The following FMN1 variants were observed in gnomAD, a reference collection of about 807,000 sequenced individuals.
FMN1 encodes the protein formin 1, also known as formin-1.
FMN1 carries 110 observed loss-of-function variants against 132.4 expected under a neutral mutation model. The ratio of observed to expected loss-of-function variants is 0.83; its 90% CI spans 0.71 to 0.97. The LOEUF (loss-of-function observed/expected upper bound fraction) is 0.97, where lower values mean the gene tolerates loss of function less well. Ranked by LOEUF, FMN1 falls within the 50% of genes least tolerant of loss-of-function variation. FMN1 has a pLI of 0.00. For missense variants in FMN1, 1,792 were observed against 1,705.3 expected, an observed-to-expected ratio of 1.05 and a Z score of -0.90; for synonymous variants, 722 against 651.7, an observed-to-expected ratio of 1.11 and a Z score of -1.64.
intron 16 of FMN1, among the ~76,000 whole-genome samples, chr15:32,864,452 A>G (rs2059347020): frequency 6.6e-6 from 1 of 152,248 alleles, no homozygotes; most frequent in Admixed American, 6.5e-5. Flanking sequence ...ACAACTGTGC[A>G]TTAATGACCC....
rs536409431 is a variant in FMN1, at chr15:33,086,285, C to T, written c.2043+2514G>A. ...AAAAAAAAAAAAAGCAAAAACAAGA[C>T]GAGGTTATAAAATCTGGCATGCTTT... On this transcript the variant is annotated intron_variant, in intron 5 of 20. Coordinates refer to ENST00000616417, the MANE Select transcript of FMN1 (RefSeq NM_001277313.2). Among the ~76,000 whole-genome samples, 96 of 140,942 alleles carry T rather than the reference C, an allele frequency of 6.8e-4. 1 individual carries two copies. The highest frequency in any genetic ancestry group is 7.4e-3 in the Middle Eastern group (2 of 270). The allele number at this position is 140,942 out of a possible 152,430, so 92.5% of individuals were successfully genotyped here. A position where few individuals can be genotyped will look rare whatever the true frequency, so the allele number is the denominator to read the frequency against.
intron 5 of FMN1, chr15:33,067,693 G>T: frequency 6.2e-7 from 1 of 1,613,872 alleles, no homozygotes; most frequent in East Asian, 2.2e-5. Context: ...TGGGATTCAC[G>T]TCTAAACTAT....
Position 33,034,675 on chromosome 15 carries a change from A to AT in FMN1, c.2162-26601dup, listed in dbSNP as rs34570711. Among the ~76,000 whole-genome samples the AT allele has an allele frequency of 5.3e-5, 8 of 151,800 alleles. No individual in the cohort carries two copies. In the East Asian group the frequency reaches 5.8e-4, roughly 11 times the overall value. On this transcript the variant is annotated intron_variant, in intron 6 of 20. Coordinates refer to ENST00000616417, the MANE Select transcript of FMN1 (RefSeq NM_001277313.2). ...TTCTGCCTCAAAAATCCAGAATCTG[A>AT]TTTTTTTTTTACTACCTCCATCACT...
At chr15:33,106,601 G>C (rs1261603092) in intron 4 of FMN1, among the ~76,000 whole-genome samples, 1 of 151,992 alleles carries the variant, frequency 6.6e-6, no homozygotes, top group African/African-American at 2.4e-5. Flanking sequence ...TGAGTTCACT[G>C]TTCACTCTTC....
chr15:33,084,073 A>G (rs966594681), intron 5 of FMN1, among the ~76,000 whole-genome samples: 1 of 152,184 alleles, frequency 6.6e-6, no homozygotes, highest in African/African-American at 2.4e-5. Flanking sequence ...AAACTCATGA[A>G]TAATTCACCC....
rs11855526 is a variant in FMN1, at chr15:32,926,360, T to C, written c.3139-99A>G. Reference sequence around the variant, plus strand: ...CATTAAATTTTTTTAGATACACTGATTGATGAACTAAATTGATGCTGCATG... The same window carrying C: ...CATTAAATTTTTTTAGATACACTGACTGATGAACTAAATTGATGCTGCATG... On this transcript the variant is annotated intron_variant, in intron 9 of 20. Transcript: ENST00000616417. 34,603 of 634,078 alleles carry C rather than the reference T, an allele frequency of 0.055. 1,135 individuals are homozygous for C. The highest frequency in any genetic ancestry group is 0.12 in the East Asian group (4,376 of 35,314). The allele number at this position is 634,078 out of a possible 1,614,324, so 39.3% of individuals were successfully genotyped here.
intron 8 of FMN1, among the ~76,000 whole-genome samples, chr15:32,966,498 A>G (rs78922678): frequency 0.014 from 2,074 of 152,098 alleles, 40 homozygotes; most frequent in African/African-American, 0.048. Context: ...GAGAGAGAGA[A>G]AGAGGAGGAG....
chr15:33,062,346 G>A (rs1456342758), intron 6 of FMN1, among the ~76,000 whole-genome samples: 2 of 152,122 alleles, frequency 1.3e-5, no homozygotes, highest in Non-Finnish European at 2.9e-5. Flanking sequence ...AGTAGGCCAG[G>A]CACGGTGGCT....
At chr15:32,993,812 A>G (rs1288057727) in intron 7 of FMN1, among the ~76,000 whole-genome samples, 4 of 148,798 alleles carry the variant, frequency 2.7e-5, no homozygotes, top group Non-Finnish European at 4.4e-5. Context: ...TAGAGCCACT[A>G]CAATCTCTGA....
intron 4 of FMN1, among the ~76,000 whole-genome samples, chr15:33,097,989 C>T (rs345791): frequency 0.55 from 83,699 of 151,910 alleles, 23,418 homozygotes; most frequent in African/African-American, 0.57. Flanking sequence ...CAAAATAGAC[C>T]GCACACTGGG....
chr15:32,820,669 T>C (rs2058186766), intron 17 of FMN1, among the ~76,000 whole-genome samples: 1 of 152,214 alleles, frequency 6.6e-6, no homozygotes, highest in African/African-American at 2.4e-5. Context: ...CAGGTAGACA[T>C]AGTTTTAATT....
chr15:33,086,096 A>T (rs1476446111), intron 5 of FMN1, among the ~76,000 whole-genome samples: 1 of 151,852 alleles, frequency 6.6e-6, no homozygotes, highest in Admixed American at 6.6e-5. Flanking sequence ...CTGAAAATAC[A>T]AAAAATTAGC....
intron 19 of FMN1, among the ~76,000 whole-genome samples, chr15:32,779,337 T>C (rs1305499453): frequency 2.0e-5 from 3 of 152,206 alleles, no homozygotes; most frequent in Non-Finnish European, 4.4e-5. Flanking sequence ...TCAATACAAC[T>C]TATTAAAAAT....
chr15:32,865,601 A>G (rs1267416894), intron 16 of FMN1, among the ~76,000 whole-genome samples: 1 of 152,138 alleles, frequency 6.6e-6, no homozygotes, highest in Admixed American at 6.5e-5. Context: ...CTTTGGGAGG[A>G]CAAGGCGGGC....
intron 5 of FMN1, among the ~76,000 whole-genome samples, chr15:33,069,596 TAAA>T (rs1180421093): frequency 1.3e-5 from 2 of 152,226 alleles, no homozygotes; most frequent in Non-Finnish European, 2.9e-5. Flanking sequence ...TCTTCAGTAC[TAAA>T]AACAATCTAA....
At chr15:32,949,414 C>G (rs1008204461) in intron 9 of FMN1, among the ~76,000 whole-genome samples, 2 of 151,996 alleles carry the variant, frequency 1.3e-5, no homozygotes, top group African/African-American at 2.4e-5. Flanking sequence ...CTACAACTAT[C>G]TGACCTTTGA....
chr15:33,091,981 C>CA (rs1220070570), intron 4 of FMN1, among the ~76,000 whole-genome samples: 1 of 152,188 alleles, frequency 6.6e-6, no homozygotes, highest in Non-Finnish European at 1.5e-5. Flanking sequence ...GTGCATACTA[C>CA]AAACCTGTTT....
chr15:32,839,964 C>T (rs2058710545), intron 17 of FMN1, among the ~76,000 whole-genome samples: 1 of 152,180 alleles, frequency 6.6e-6, no homozygotes, highest in Non-Finnish European at 1.5e-5. Context: ...AGACCAATTT[C>T]CGATTTTTCC....
At chr15:32,891,121 C>T (rs75296561) in intron 15 of FMN1, among the ~76,000 whole-genome samples, 3,814 of 152,240 alleles carry the variant, frequency 0.025, 84 homozygotes, top group East Asian at 0.12. Context: ...ACCAGTACCA[C>T]GTTGTTTTGG....
Sources: allele counts gnomAD v4.1 joint callset (sites outside exome capture counted in the v4.1 genomes callset), GRCh38; gene constraint gnomAD v4.1.1; transcripts MANE v1.5; gene names NCBI Gene and HGNC (gene_info 2026-07-23, HGNC 2026-07-21).